The following SBF2 variants were observed in gnomAD, a reference collection of about 807,000 sequenced individuals.
SBF2 encodes SET binding factor 2, also known as myotubularin-related protein 13.
In SBF2, 112 loss-of-function variants were observed where a neutral mutation model predicts 225.2. That is an observed-to-expected ratio of 0.50 (90% CI 0.43 to 0.58). The LOEUF (loss-of-function observed/expected upper bound fraction) is 0.58, where lower values mean the gene tolerates loss of function less well. Among genes scored for constraint, SBF2 ranks in the 20% least tolerant of loss-of-function variants. The pLI is 0.00. For synonymous variants in SBF2, 763 were observed against 773.3 expected (o/e 0.99, Z 0.22); for missense variants, 1,996 against 2,206.2 (o/e 0.90, Z 1.91).
intron 16 of SBF2, 93 bp from the exon 17 acceptor site, chr11:9,896,104 C>T: frequency 9.9e-7 from 1 of 1,010,404 alleles, no homozygotes; most frequent in Non-Finnish European, 1.6e-6. Flanking sequence ...TGTTTACTGT[C>T]CTATGGGGTT....
At chr11:9,787,995 G>A (rs1482343289) in intron 35 of SBF2, 5 of 508,354 alleles carry the variant, frequency 9.8e-6, no homozygotes, top group Non-Finnish European at 1.8e-5. Flanking sequence ...TACATACTAG[G>A]ATGTGAAATA....
chr11:10,264,917 T>G (rs1386853867), intron 1 of SBF2, among the ~76,000 whole-genome samples: 1 of 152,212 alleles, frequency 6.6e-6, no homozygotes, highest in African/African-American at 2.4e-5. Context: ...GAACCCAACC[T>G]TTTTTAAGGC....
intron 2 of SBF2, among the ~76,000 whole-genome samples, chr11:10,165,778 T>TG (rs1955922247): frequency 6.6e-6 from 1 of 152,248 alleles, no homozygotes; most frequent in Non-Finnish European, 1.5e-5. Context: ...TATAACTTAA[T>TG]GACACATCCA....
At chr11:10,236,071 A>G (rs1400442816) in intron 1 of SBF2, among the ~76,000 whole-genome samples, 1 of 151,992 alleles carries the variant, frequency 6.6e-6, no homozygotes, top group East Asian at 1.9e-4. Flanking sequence ...ATCTTGTCTC[A>G]AAACAAAACA....
chr11:10,208,648 C>A (rs990274855), intron 1 of SBF2, among the ~76,000 whole-genome samples: 1 of 152,022 alleles, frequency 6.6e-6, no homozygotes, highest in Non-Finnish European at 1.5e-5. Flanking sequence ...ATTATCTATG[C>A]CTATCAAGGT....
In SBF2 at chr11:9,849,723, T is replaced by A. The variant is rs574111476; in HGVS notation, c.2806+300A>T. Among the ~76,000 whole-genome samples, 4 of 152,368 alleles carry A rather than the reference T, an allele frequency of 2.6e-5. No homozygotes were observed. In the South Asian group the frequency reaches 6.2e-4, roughly 24 times the overall value. On this transcript the variant is annotated intron_variant, in intron 22 of 39. Transcript: ENST00000256190. ...GTGGACAAACCAGCAAGGGATATAT[T>A]CAGCAGTTAGAGTGAATATCTCTAG...
At chr11:10,267,349 C>T (rs1430425462) in intron 1 of SBF2, among the ~76,000 whole-genome samples, 1 of 152,000 alleles carries the variant, frequency 6.6e-6, no homozygotes, top group African/African-American at 2.4e-5. Flanking sequence ...GGAAGCCAAA[C>T]CTCTATCCTA....
At chr11:9,840,040 C>T (rs1277402525) in intron 25 of SBF2, among the ~76,000 whole-genome samples, 1 of 152,158 alleles carries the variant, frequency 6.6e-6, no homozygotes. Flanking sequence ...CGAGAGCAGC[C>T]TGACCAACAT....
chr11:9,935,532 C>T (rs1035126465), intron 16 of SBF2, among the ~76,000 whole-genome samples: 4 of 152,300 alleles, frequency 2.6e-5, no homozygotes, highest in African/African-American at 7.2e-5. Flanking sequence ...AAGCTGGAGG[C>T]ATCATGGTAC....
At chr11:9,835,248 G>A (rs1383649070) in intron 26 of SBF2, among the ~76,000 whole-genome samples, 2 of 151,848 alleles carry the variant, frequency 1.3e-5, no homozygotes, top group African/African-American at 2.4e-5. Context: ...TACCACCTAG[G>A]TCAAGAAATT....
chr11:10,160,169 A>AAT (rs1284079475), intron 2 of SBF2, among the ~76,000 whole-genome samples: 2 of 152,174 alleles, frequency 1.3e-5, no homozygotes, highest in African/African-American at 4.8e-5. Flanking sequence ...GAAAACCCTG[A>AAT]ATACTCCACC....
chr11:9,844,735 T>C (rs1856415888), intron 24 of SBF2, among the ~76,000 whole-genome samples: 1 of 152,118 alleles, frequency 6.6e-6, no homozygotes, highest in Non-Finnish European at 1.5e-5. Flanking sequence ...ACTGTGCTTA[T>C]ATAAGATAAT....
Position 9,895,990 on chromosome 11 carries a change from A to C in SBF2, c.1882T>G (p.Tyr628Asp). Residue 628 changes from tyrosine to aspartate, a missense_variant, in exon 17 of 40, where the codon TAC (tyrosine) becomes GAC (aspartate). Physicochemically the swap from Tyr to Asp is radical, Grantham distance 160. Coordinates refer to ENST00000256190, the MANE Select transcript of SBF2 (RefSeq NM_030962.4). Reference protein sequence around the residue: ...TLQDCSSLEEYNIAAALLPLT... With the variant: ...TLQDCSSLEEDNIAAALLPLT... ...GGGAGTAATGCTGCGGCAATGTTGT[A>C]TTCTTCTAAACTTGAACAATCCTTT... 6.2e-7 allele frequency: 1 copy of C among 1,613,368 alleles called. No individual in the cohort carries two copies. Among genetic ancestry groups the C allele is most frequent in the Non-Finnish European group, 8.5e-7 (1 of 1,179,466 alleles).
intron 9 of SBF2, among the ~76,000 whole-genome samples, chr11:9,996,690 A>G (rs1461938109): frequency 6.6e-6 from 1 of 152,184 alleles, no homozygotes; most frequent in African/African-American, 2.4e-5. Flanking sequence ...CACCCTGCCA[A>G]ACTCGCCTTC....
intron 9 of SBF2, among the ~76,000 whole-genome samples, chr11:9,995,047 A>AG (rs568858928): frequency 1.3e-5 from 2 of 150,868 alleles, no homozygotes; most frequent in East Asian, 4.0e-4. Context: ...TCTCAAAAAA[A>AG]AAAAAATAAA....
At chr11:10,012,925 G>C (rs1237778034) in intron 6 of SBF2, among the ~76,000 whole-genome samples, 1 of 151,986 alleles carries the variant, frequency 6.6e-6, no homozygotes, top group African/African-American at 2.4e-5. Context: ...TGTTTGCATG[G>C]TTCACTTGGT....
intron 2 of SBF2, among the ~76,000 whole-genome samples, chr11:10,107,952 G>T (rs1193130276): frequency 6.6e-6 from 1 of 152,176 alleles, no homozygotes; most frequent in African/African-American, 2.4e-5. Context: ...GAGATGGGGA[G>T]GGATTAGAGG....
chr11:9,856,810 C>T lies in SBF2; in HGVS notation c.2101-90G>A, dbSNP rs549970979. ...ATTTTTTTTTTTTTTTTTTTTGAGA[C>T]GGAGTCTCGCTCTGTCACCCAGGCT... On this transcript the variant is annotated intron_variant, in intron 18 of 39. Transcript: ENST00000256190. 99 of 1,250,642 alleles carry T rather than the reference C, an allele frequency of 7.9e-5. 1 individual carries two copies. The highest frequency in any genetic ancestry group is 6.5e-4 in the Admixed American group (33 of 50,580). 77.5% of individuals were successfully genotyped at this position (1,250,642 alleles called of 1,614,324 possible).
chr11:9,794,552 C>G (rs12283294), intron 33 of SBF2, among the ~76,000 whole-genome samples: 2 of 151,622 alleles, frequency 1.3e-5, no homozygotes, highest in African/African-American at 4.8e-5. Context: ...CTAATCCCAG[C>G]TACTAGGGAG....
Sources: allele counts gnomAD v4.1 joint callset (sites outside exome capture counted in the v4.1 genomes callset), GRCh38; gene constraint gnomAD v4.1.1; transcripts MANE v1.5; gene names NCBI Gene and HGNC (gene_info 2026-07-23, HGNC 2026-07-21).